The following TPTE variants were observed in gnomAD, a reference collection of about 807,000 sequenced individuals.
TPTE encodes the protein putative tyrosine-protein phosphatase TPTE.
Under a neutral mutation model 84.1 loss-of-function variants are expected in TPTE, and 59 were observed. The ratio of observed to expected loss-of-function variants is 0.70; its 90% CI spans 0.57 to 0.87. The LOEUF (loss-of-function observed/expected upper bound fraction) is 0.87. TPTE is among the 40% of genes least tolerant of loss of function. The pLI is 0.00. For missense variants in TPTE, 382 were observed against 659.6 expected, an observed-to-expected ratio of 0.58 and a Z score of 4.61; for synonymous variants, 130 against 223.5, an observed-to-expected ratio of 0.58 and a Z score of 3.73.
intron 8 of TPTE, among the ~76,000 whole-genome samples, chr21:10,553,253 T>C (rs1411587356): frequency 6.6e-6 from 1 of 152,298 alleles, no homozygotes; most frequent in African/African-American, 2.4e-5. Context: ...AATGAAACAA[T>C]ACATTCTTAA....
intron 2 of TPTE, among the ~76,000 whole-genome samples, chr21:10,525,956 C>A (rs1214032716): frequency 6.6e-6 from 1 of 152,304 alleles, no homozygotes; most frequent in Non-Finnish European, 1.5e-5. Context: ...TTCCAGTTCT[C>A]TTCCTCAGTA....
chr21:10,559,665 G>A (rs2074754609), intron 9 of TPTE, 121 bp downstream of exon 9: 21 of 1,482,358 alleles, frequency 1.4e-5, no homozygotes, highest in Middle Eastern at 2.5e-4. Context: ...CATGAAGTCA[G>A]GAGTTCAAGA....
At chr21:10,570,912 G>A (rs2075029278) in intron 14 of TPTE, among the ~76,000 whole-genome samples, 1 of 152,308 alleles carries the variant, frequency 6.6e-6, no homozygotes, top group East Asian at 1.9e-4. Flanking sequence ...AAAATGACTT[G>A]GCTACCCTCG....
chr21:10,532,325 TA>T (rs1212244902), intron 3 of TPTE, among the ~76,000 whole-genome samples: 1 of 152,310 alleles, frequency 6.6e-6, no homozygotes, highest in Admixed American at 6.5e-5. Context: ...AATCTTATTT[TA>T]AAAAAATTTA....
intron 6 of TPTE, 115 bp downstream of exon 6, chr21:10,542,563 T>TCCATTCATCCATC (rs1215122253): frequency 6.1e-6 from 5 of 822,044 alleles, no homozygotes; most frequent in African/African-American, 3.1e-5. Flanking sequence ...ATCCATCCAT[T>TCCATTCATCCATC]CATCCATCCA....
At chr21:10,587,418 G>A (rs1225391319) in intron 17 of TPTE, among the ~76,000 whole-genome samples, 1 of 152,306 alleles carries the variant, frequency 6.6e-6, no homozygotes, top group African/African-American at 2.4e-5. Flanking sequence ...CCACCTTGAT[G>A]TCCATGAGCA....
chr21:10,581,377 CA>C (rs2075268456), intron 17 of TPTE, among the ~76,000 whole-genome samples: 1 of 152,312 alleles, frequency 6.6e-6, no homozygotes, highest in African/African-American at 2.4e-5. Context: ...TGAAGGAAAA[CA>C]ATCATTTCAA....
intron 14 of TPTE, among the ~76,000 whole-genome samples, chr21:10,572,044 G>C (rs1600927628): frequency 6.6e-6 from 1 of 152,370 alleles, no homozygotes; most frequent in African/African-American, 2.4e-5. Flanking sequence ...TTTAAAAACA[G>C]ACATGGGAGA....
At chr21:10,584,337 CT>C (rs58211728) in intron 17 of TPTE, among the ~76,000 whole-genome samples, 2,522 of 142,852 alleles carry the variant, frequency 0.018, 3 homozygotes, top group African/African-American at 0.048. Context: ...CCTAAACTCA[CT>C]TTTTTTTTTT....
intron 7 of TPTE, among the ~76,000 whole-genome samples, chr21:10,548,916 ATC>A (rs2074521788): frequency 6.6e-6 from 1 of 152,310 alleles, no homozygotes; most frequent in African/African-American, 2.4e-5. Flanking sequence ...GAGCAACTGC[ATC>A]CCCATGCTTC....
In TPTE at chr21:10,564,718, T is replaced by C. The variant is rs540531166; in HGVS notation, c.447-2952T>C. On this transcript the variant is annotated intron_variant, in intron 10 of 23. Coordinates refer to ENST00000618007, the MANE Select transcript of TPTE (RefSeq NM_199261.4). ...AACATTTGTAAATCAATCAATGCGA[T>C]ACATTATATCCACACAGTAAAGGAT... 5.9e-5 allele frequency among the ~76,000 whole-genome samples: 9 copies of C among 152,420 alleles called. No homozygotes were observed. The South Asian group carries it at 1.9e-3, about 32-fold the overall frequency.
At chr21:10,579,125 C>T (rs1195863680) in intron 17 of TPTE, among the ~76,000 whole-genome samples, 1 of 152,312 alleles carries the variant, frequency 6.6e-6, no homozygotes, top group Non-Finnish European at 1.5e-5. Context: ...TCTACTGTCT[C>T]AGCAATTTTC....
At chr21:10,584,898 G>GTGTGTGTGTA in intron 17 of TPTE, among the ~76,000 whole-genome samples, 1 of 152,226 alleles carries the variant, frequency 6.6e-6, no homozygotes, top group Non-Finnish European at 1.5e-5. Flanking sequence ...GTGTGTGTGT[G>GTGTGTGTGTA]TGTGTGTGTG....
At chr21:10,531,710 T>G (rs1600855879) in intron 3 of TPTE, among the ~76,000 whole-genome samples, 1 of 152,310 alleles carries the variant, frequency 6.6e-6, no homozygotes, top group African/African-American at 2.4e-5. Flanking sequence ...CTTCATGAAA[T>G]AACTTTTTGC....
intron 3 of TPTE, among the ~76,000 whole-genome samples, chr21:10,538,169 C>T (rs2074301657): frequency 6.6e-6 from 1 of 152,308 alleles, no homozygotes; most frequent in Non-Finnish European, 1.5e-5. Flanking sequence ...GCTAACAACC[C>T]TAGAAATGTT....
Position 10,605,336 on chromosome 21 carries a change from C to T in TPTE, c.1521-81C>T. The T allele has an allele frequency of 3.3e-6, 5 of 1,520,266 alleles. No individual in the cohort carries two copies. In the African/African-American group the frequency reaches 4.3e-5, roughly 13 times the overall value. 94.2% of individuals were successfully genotyped at this position (1,520,266 alleles called of 1,614,324 possible). ...TGGTGAGGTTCTTTTTTTGTTTCTT[C>T]CAGCTCTAACGTGGGTACCCAACTG... is the stretch of plus-strand genomic sequence containing the variant. On this transcript the variant is annotated intron_variant, in intron 23 of 23. Transcript: ENST00000618007.
intron 17 of TPTE, among the ~76,000 whole-genome samples, chr21:10,585,269 AAAG>A (rs534489545): frequency 0.011 from 1,663 of 148,572 alleles, no homozygotes; most frequent in African/African-American, 0.042. Flanking sequence ...AAGAAAGAAA[AAAG>A]AAATTCGTTT....
intron 10 of TPTE, among the ~76,000 whole-genome samples, chr21:10,566,870 G>T (rs189018325): frequency 2.0e-5 from 3 of 152,280 alleles, no homozygotes; most frequent in Admixed American, 2.0e-4. Context: ...CCAGCTACTC[G>T]TGAGGCTGAG....
chr21:10,527,153 T>TA (rs2074094526), intron 2 of TPTE, among the ~76,000 whole-genome samples: 6 of 149,450 alleles, frequency 4.0e-5, no homozygotes, highest in Admixed American at 2.7e-4. Flanking sequence ...TCTCTCTCTC[T>TA]CTCTCACACA....
Sources: gnomAD v4.1 joint callset for allele counts (sites outside exome capture counted in the v4.1 genomes callset) on GRCh38, gnomAD v4.1.1 for gene constraint, MANE v1.5 for transcripts, NCBI Gene and HGNC (gene_info 2026-07-23, HGNC 2026-07-21) for gene names.